The following SHC2 variants were observed in gnomAD, a reference collection of about 807,000 sequenced individuals.
SHC2 encodes the protein SHC-transforming protein 2.
SHC2 carries 62 observed loss-of-function variants against 60.6 expected under a neutral mutation model. The observed-to-expected ratio is 1.02, with a 90% CI of 0.83 to 1.26. SHC2 has a LOEUF of 1.26. Among genes scored for constraint, SHC2 ranks in the 50% most tolerant of loss-of-function variants. The probability of loss-of-function intolerance (pLI) is 0.00; values close to 1 mark genes in which losing one functional copy is unlikely to be tolerated. For missense variants in SHC2, 873 were observed against 822.2 expected, an observed-to-expected ratio of 1.06 and a Z score of -0.76; for synonymous variants, 375 against 372.4, an observed-to-expected ratio of 1.01 and a Z score of -0.08.
Position 422,210 on chromosome 19 carries a change from T to A in SHC2, c.1556A>T (p.Tyr519Phe). 6.2e-7 allele frequency: 1 copy of A among 1,612,666 alleles called. No individual in the cohort carries two copies. The highest frequency in any genetic ancestry group is 8.5e-7 in the Non-Finnish European group (1 of 1,179,706). Residue 519 changes from tyrosine to phenylalanine, a missense_variant, in exon 11 of 13, where the codon TAT becomes TTT. Physicochemically the swap from Tyr to Phe is conservative, Grantham distance 22 (BLOSUM62 3). Transcript: ENST00000264554. The surrounding 1 kb of genome is among the most constrained non-coding windows in gnomAD (Gnocchi z 5.0). ...VRDSVTNPGQ[Y>F]VLTGMHAGQP... ...CCCGGCGTGCATGCCGGTGAGGACA[T>A]ACTGCCCGGGGTTGGTGACGCTGTC...
At chr19:418,848 G>C (rs545559380) in intron 12 of SHC2, 75 bp downstream of exon 12, 1 of 1,489,398 alleles carries the variant, frequency 6.7e-7, no homozygotes, top group Non-Finnish European at 9.0e-7. Context: ...CACGTGAACC[G>C]GGTCTCAATT....
chr19:429,277 T>C (rs1221835429), intron 9 of SHC2, among the ~76,000 whole-genome samples: 2 of 147,148 alleles, frequency 1.4e-5, no homozygotes, highest in Non-Finnish European at 3.0e-5. Flanking sequence ...CCTCATACCG[T>C]GTGGATGACG....
chr19:422,336 G>A lies in SHC2; in HGVS notation c.1430C>T (p.Pro477Leu), dbSNP rs1974296661. 2 of 1,609,196 alleles carry A rather than the reference G, an allele frequency of 1.2e-6. No homozygotes were observed. The highest frequency in any genetic ancestry group is 1.7e-5 in the Admixed American group (1 of 59,600). The change falls in exon 11 of 13, where the codon CCC (proline) becomes CTC (leucine). Residue 477 changes from proline to leucine, a missense_variant. By Grantham distance (98) the Pro-to-Leu change is moderately conservative. Coordinates refer to ENST00000264554, the MANE Select transcript of SHC2 (RefSeq NM_012435.3). The surrounding 1 kb of genome is among the most constrained non-coding windows in gnomAD (Gnocchi z 5.0). Reference protein sequence around the residue: ...SPPTRRAPVAPTEEQLRQEPW... With the variant: ...SPPTRRAPVALTEEQLRQEPW... ...CTCCTGACGCAGCTGTTCCTCCGTG[G>A]GGGCCACAGGGGCCCGGCGGGTAGG... is the stretch of plus-strand genomic sequence containing the variant.
intron 10 of SHC2, among the ~76,000 whole-genome samples, chr19:423,822 A>G (rs1229650741): frequency 6.6e-6 from 1 of 152,172 alleles, no homozygotes; most frequent in East Asian, 1.9e-4. Flanking sequence ...TGGAGGACGG[A>G]CGAGAAGACA....
chr19:458,232 G>A (rs1183822793), intron 1 of SHC2, among the ~76,000 whole-genome samples: 1 of 127,760 alleles, frequency 7.8e-6, no homozygotes, highest in Non-Finnish European at 1.7e-5. Context: ...GGGTTCCGGC[G>A]GAGGGGGAAG....
rs1975042365 is a variant in SHC2 at position 446,023 on chromosome 19, C to T, written c.469-5091G>A. Among the ~76,000 whole-genome samples, 1 of 151,592 alleles carries T rather than the reference C, an allele frequency of 6.6e-6. No homozygotes were observed. The highest frequency in any genetic ancestry group is 1.5e-5 in the Non-Finnish European group (1 of 67,960). On this transcript the variant is annotated intron_variant, in intron 1 of 12. Transcript: ENST00000264554. This position sits in a 1 kb window ranked among gnomAD's most constrained non-coding sequence, Gnocchi z 5.4. ...AGAGCCAAGATCACGCCACTGCACT[C>T]GAGCCTGGGTGACAGAGGGAGAGTC...
At position 441,139 on chromosome 19, in the gene SHC2, T is replaced by C; in HGVS notation, c.469-207A>G. 1.0e-6 allele frequency: 1 copy of C among 985,118 alleles called. No homozygotes were observed. The highest frequency in any genetic ancestry group is 1.2e-6 in the Non-Finnish European group (1 of 829,852). The allele number at this position is 985,118 out of a possible 1,614,324, so 61.0% of individuals were successfully genotyped here. ...GAGCCGCCCCCTCTGACTCCAGGCA[T>C]GTTTTTCTGTGTTGCTGTTTCTCAG... On this transcript the variant is annotated intron_variant, in intron 1 of 12. Transcript: ENST00000264554. The surrounding 1 kb of genome is among the most constrained non-coding windows in gnomAD (Gnocchi z 4.9).
intron 7 of SHC2, among the ~76,000 whole-genome samples, chr19:435,171 G>A (rs1432013102): frequency 6.6e-6 from 1 of 152,270 alleles, no homozygotes; most frequent in African/African-American, 2.4e-5. Context: ...CATGAGCCAA[G>A]TTTATACCCA....
At chr19:458,661 GA>G (rs1975447487) in intron 1 of SHC2, among the ~76,000 whole-genome samples, 1 of 140,052 alleles carries the variant, frequency 7.1e-6, no homozygotes, top group Non-Finnish European at 1.6e-5. Context: ...TGGGGAGGCG[GA>G]AGTGGGTTCC....
rs142750473 is a variant in SHC2 at position 430,211 on chromosome 19, G to A, written c.1174+473C>T. 1.7e-3 allele frequency among the ~76,000 whole-genome samples: 245 copies of A among 143,310 alleles called. 1 individual carries two copies. Among genetic ancestry groups the A allele is most frequent in the Middle Eastern group, 8.9e-3 (2 of 224 alleles). 94.0% of individuals were successfully genotyped at this position (143,310 alleles called of 152,430 possible). A position where few individuals can be genotyped will look rare whatever the true frequency, so the allele number is the denominator to read the frequency against. ...CCAACGTGCACAGAAACCTAATACC[G>A]TGTGGATGACGCAGTATGTATATCC... On this transcript the variant is annotated intron_variant, in intron 9 of 12. Transcript: ENST00000264554.
chr19:441,082 C>G lies in SHC2; in HGVS notation c.469-150G>C, dbSNP rs1241237439. ...GGCTCTGGGGCCGTCGTGCCTCCCC[C>G]ACCTCAAGGCCCAGCCTTGACACTG... On this transcript the variant is annotated intron_variant, in intron 1 of 12. Coordinates refer to ENST00000264554, the MANE Select transcript of SHC2 (RefSeq NM_012435.3). The surrounding 1 kb of genome is among the most constrained non-coding windows in gnomAD (Gnocchi z 4.9). The G allele has an allele frequency of 2.0e-6, 3 of 1,488,476 alleles. No individual in the cohort carries two copies. Among genetic ancestry groups the G allele is most frequent in the South Asian group, 1.3e-5 (1 of 75,458 alleles). 92.2% of individuals were successfully genotyped at this position (1,488,476 alleles called of 1,614,324 possible). A position where few individuals can be genotyped will look rare whatever the true frequency, so the allele number is the denominator to read the frequency against.
rs1046045497 is a variant in SHC2 at position 425,600 on chromosome 19, A to G, written c.1175-369T>C. Among the ~76,000 whole-genome samples, 6 of 152,352 alleles carry G rather than the reference A, an allele frequency of 3.9e-5. No homozygotes were observed. Among genetic ancestry groups the G allele is most frequent in the Admixed American group, 6.5e-5 (1 of 15,308 alleles). ...GCGTGTATGTTCAGTCTCCACATTT[A>G]AAAATAATCACAGTAACTCTGCTTC... On this transcript the variant is annotated intron_variant, in intron 9 of 12. Transcript: ENST00000264554. The surrounding 1 kb of genome is among the most constrained non-coding windows in gnomAD (Gnocchi z 4.1).
At chr19:449,548 T>TA (rs1361873104) in intron 1 of SHC2, among the ~76,000 whole-genome samples, 1 of 152,162 alleles carries the variant, frequency 6.6e-6, no homozygotes, top group East Asian at 1.9e-4. Context: ...TCCTTGTCCT[T>TA]AGACTATATA....
chr19:453,902 T>G lies in SHC2; in HGVS notation c.468+6627A>C, dbSNP rs1444628858. Among the ~76,000 whole-genome samples the G allele has an allele frequency of 1.3e-5, 2 of 152,176 alleles. No homozygotes were observed. The highest frequency in any genetic ancestry group is 4.8e-5 in the African/African-American group (2 of 41,456). On this transcript the variant is annotated intron_variant, in intron 1 of 12. Coordinates refer to ENST00000264554, the MANE Select transcript of SHC2 (RefSeq NM_012435.3). The surrounding 1 kb of genome is among the most constrained non-coding windows in gnomAD (Gnocchi z 6.3). ...GGGCACCGCAGAGAGCAGGACGGCC[T>G]GACTCACGGGACTTCTGTGTATGGA...
Position 460,516 on chromosome 19 carries a change from G to T in SHC2, c.468+13C>A, listed in dbSNP as rs1439148972. The T allele has an allele frequency of 3.5e-5, 43 of 1,230,736 alleles. No individual in the cohort carries two copies. In the African/African-American group the frequency reaches 5.5e-4, roughly 16 times the overall value. The allele number at this position is 1,230,736 out of a possible 1,614,324, so 76.2% of individuals were successfully genotyped here. A position where few individuals can be genotyped will look rare whatever the true frequency, so the allele number is the denominator to read the frequency against. On this transcript the variant is annotated intron_variant, in intron 1 of 12. Transcript: ENST00000264554. Reference sequence around the variant, plus strand: ...CCGCGAACGGGCTCCCGGGGGGGGTGGGGGGGACTCACCCGCACGACGTAG... The same window carrying T: ...CCGCGAACGGGCTCCCGGGGGGGGTTGGGGGGACTCACCCGCACGACGTAG...
chr19:460,433 G>A, intron 1 of SHC2, 96 bp downstream of exon 1: 3 of 469,590 alleles, frequency 6.4e-6, no homozygotes, highest in Non-Finnish European at 9.3e-6. Context: ...ATGGGGAGGG[G>A]ACACCTGGCT....
chr19:458,455 GGTTCCGGGGAGGCAGACGCAT>G, intron 1 of SHC2, among the ~76,000 whole-genome samples: 1 of 139,480 alleles, frequency 7.2e-6, no homozygotes, highest in Admixed American at 7.1e-5. Context: ...GGCGGAAGTG[GGTTCCGGGGAGGCAGACGCAT>G]GTTCCGGGGG....
chr19:458,715 TGGGGAGGCGGAAGTGGGTTCC>T (rs1200375141), intron 1 of SHC2, among the ~76,000 whole-genome samples: 2 of 59,796 alleles, frequency 3.3e-5, no homozygotes, highest in Non-Finnish European at 7.3e-5. Flanking sequence ...AAGCGGGTCT[TGGGGAGGCGGAAGTGGGTTCC>T]GGGGAGGCGG....
intron 5 of SHC2, 41 bp from the exon 6 acceptor site, chr19:436,472 C>G (rs370660488): frequency 1.4e-4 from 232 of 1,601,536 alleles, no homozygotes; most frequent in Non-Finnish European, 1.9e-4. Context: ...CCTGGGCCCC[C>G]CACCGGGATT....
Sources: gnomAD v4.1 joint callset for allele counts (sites outside exome capture counted in the v4.1 genomes callset) on GRCh38, gnomAD v4.1.1 for gene constraint, Gnocchi (gnomAD v3.1) non-coding constraint, MANE v1.5 for transcripts, NCBI Gene and HGNC (gene_info 2026-07-23, HGNC 2026-07-21) for gene names.